The following LHX2 variants were observed in gnomAD, a reference collection of about 807,000 sequenced individuals.
LHX2 encodes LIM homeobox 2.
LHX2 carries 6 observed loss-of-function variants against 33.0 expected under a neutral mutation model. The ratio of observed to expected loss-of-function variants is 0.18; its 90% CI spans 0.10 to 0.36. The LOEUF (loss-of-function observed/expected upper bound fraction) is 0.36, where lower values mean the gene tolerates loss of function less well. LHX2 is among the 10% of genes least tolerant of loss of function. The pLI is 1.00. For missense variants in LHX2, 442 were observed against 586.2 expected, an observed-to-expected ratio of 0.75 and a Z score of 2.54; for synonymous variants, 292 against 253.1, an observed-to-expected ratio of 1.15 and a Z score of -1.46.
chr9:124,014,980 T>C lies in LHX2; in HGVS notation c.324-142T>C, dbSNP rs1859158558. 1 of 851,826 alleles carries C rather than the reference T, an allele frequency of 1.2e-6. No individual in the cohort carries two copies. Among genetic ancestry groups the C allele is most frequent in the South Asian group, 1.7e-5 (1 of 58,846 alleles). The allele number at this position is 851,826 out of a possible 1,614,324, so 52.8% of individuals were successfully genotyped here. A position where few individuals can be genotyped will look rare whatever the true frequency, so the allele number is the denominator to read the frequency against. On this transcript the variant is annotated intron_variant, in intron 2 of 4. Transcript: ENST00000373615. This position sits in a 1 kb window ranked among gnomAD's most constrained non-coding sequence, Gnocchi z 4.8. ...GCCTGGGTCAAAATCTAGTTCTCTC[T>C]CCCCCCCATCCTCCAAATAAAGGCC...
In LHX2 at chr9:124,016,426, G is replaced by C. The variant is rs1254937110; in HGVS notation, c.727+901G>C. On this transcript the variant is annotated intron_variant, in intron 3 of 4. Transcript: ENST00000373615. The surrounding 1 kb of genome is among the most constrained non-coding windows in gnomAD (Gnocchi z 4.4). ...GGCCCGGAAAGGTTTATGACTCTCC[G>C]GGCTTCCGAACTAGAGTTTATGTGC... Among the ~76,000 whole-genome samples the C allele has an allele frequency of 2.0e-5, 3 of 152,194 alleles. No homozygotes were observed. The highest frequency in any genetic ancestry group is 1.5e-5 in the Non-Finnish European group (1 of 68,038).
In LHX2 at chr9:124,032,675, C is replaced by A. The variant is rs1455981403; in HGVS notation, c.1189C>A (p.Pro397Thr). ...GNLEGHEPHS[P>T]SQTTLTNLF Reference sequence around the variant, plus strand: ...CCTGGAGGGCCATGAGCCTCACAGCCCCTCACAAACGACTCTTACCAACCT... The same window carrying A: ...CCTGGAGGGCCATGAGCCTCACAGCACCTCACAAACGACTCTTACCAACCT... The change falls in exon 5 of 5, where the codon CCC becomes ACC. Residue 397 changes from proline to threonine, a missense_variant. Physicochemically the swap from Pro to Thr is conservative, Grantham distance 38 (BLOSUM62 -1). Transcript: ENST00000373615. This position sits in a 1 kb window ranked among gnomAD's most constrained non-coding sequence, Gnocchi z 4.1. 1 of 1,606,482 alleles carries A rather than the reference C, an allele frequency of 6.2e-7. No homozygotes were observed. Among genetic ancestry groups the A allele is most frequent in the Non-Finnish European group, 8.5e-7 (1 of 1,174,158 alleles).
chr9:124,013,332 G>A (rs1040064610), intron 1 of LHX2, among the ~76,000 whole-genome samples: 3 of 152,210 alleles, frequency 2.0e-5, no homozygotes, highest in African/African-American at 7.2e-5. Context: ...AAGTATTTGG[G>A]TTGAACCTGT....
At chr9:124,019,082 G>A (rs1031216063) in intron 3 of LHX2, among the ~76,000 whole-genome samples, 1 of 152,232 alleles carries the variant, frequency 6.6e-6, no homozygotes, top group South Asian at 2.1e-4. Flanking sequence ...TCACCTCAGC[G>A]GGTTCCAAGC....
intron 4 of LHX2, among the ~76,000 whole-genome samples, chr9:124,027,233 A>G (rs923147409): frequency 7.2e-5 from 11 of 152,200 alleles, no homozygotes; most frequent in Admixed American, 7.2e-4. Flanking sequence ...CCATACCAAC[A>G]GTTTAGAAAA....
At position 124,015,693 on chromosome 9, in the gene LHX2, C is replaced by G. The variant is rs1399213266; in HGVS notation, c.727+168C>G. Among the ~76,000 whole-genome samples the G allele has an allele frequency of 6.6e-6, 1 of 152,258 alleles. No individual in the cohort carries two copies. The highest frequency in any genetic ancestry group is 1.9e-4 in the East Asian group (1 of 5,200). On this transcript the variant is annotated intron_variant, in intron 3 of 4. Transcript: ENST00000373615. The surrounding 1 kb of genome is among the most constrained non-coding windows in gnomAD (Gnocchi z 7.9). ...CCCCTGGGCTTCCAGACTGTGCGTCCTCGGCTGGAGCGGGAGGAGAGGGTG... is the reference window on the plus strand; with the variant it reads ...CCCCTGGGCTTCCAGACTGTGCGTCGTCGGCTGGAGCGGGAGGAGAGGGTG...
intron 3 of LHX2, among the ~76,000 whole-genome samples, chr9:124,019,171 C>G (rs576700949): frequency 3.3e-5 from 5 of 152,228 alleles, no homozygotes; most frequent in Non-Finnish European, 5.9e-5. Context: ...TCTGGGCGTG[C>G]TCTCTGTGGG....
intron 4 of LHX2, among the ~76,000 whole-genome samples, chr9:124,026,121 C>T (rs1415491726): frequency 6.6e-5 from 10 of 152,150 alleles, no homozygotes; most frequent in Admixed American, 4.6e-4. Flanking sequence ...TGCCATGTGC[C>T]GGGCAGGGCT....
rs1399406361 is a variant in LHX2 at position 124,012,504 on chromosome 9, G to A, written c.120+36G>A. 5 of 1,508,564 alleles carry A rather than the reference G, an allele frequency of 3.3e-6. No individual in the cohort carries two copies. The South Asian group carries it at 3.7e-5, about 11-fold the overall frequency. The allele number at this position is 1,508,564 out of a possible 1,614,324, so 93.4% of individuals were successfully genotyped here. ...GGCTGTGGGGTCGGGGCTGAGAGCTGGGATGGGGCCGGGCCAGTCAGCGCC... is the reference window on the plus strand; with the variant it reads ...GGCTGTGGGGTCGGGGCTGAGAGCTAGGATGGGGCCGGGCCAGTCAGCGCC... On this transcript the variant is annotated intron_variant, in intron 1 of 4. Coordinates refer to ENST00000373615, the MANE Select transcript of LHX2 (RefSeq NM_004789.4). The surrounding 1 kb of genome is among the most constrained non-coding windows in gnomAD (Gnocchi z 4.3).
chr9:124,021,124 A>C lies in LHX2; in HGVS notation c.753A>C (p.Ala251=). 1 of 1,614,122 alleles carries C rather than the reference A, an allele frequency of 6.2e-7. No individual in the cohort carries two copies. Among genetic ancestry groups the C allele is most frequent in the Non-Finnish European group, 8.5e-7 (1 of 1,180,032 alleles). ...NAALSCNEND[A]EHLDRDQPYP... The stretch of plus-strand genomic sequence containing the variant: ...CGCTAAGCTGCAACGAAAACGACGC[A>C]GAGCACCTGGACCGTGACCAGCCAT... The change falls in exon 4 of 5, where the codon GCA becomes GCC. Residue 251 remains alanine (A), a synonymous_variant. Transcript: ENST00000373615.
chr9:124,018,401 G>A (rs1482358932), intron 3 of LHX2, among the ~76,000 whole-genome samples: 1 of 152,008 alleles, frequency 6.6e-6, no homozygotes, highest in Non-Finnish European at 1.5e-5. Context: ...GAGGGGGTTC[G>A]GGGCGCCGGC....
intron 3 of LHX2, among the ~76,000 whole-genome samples, chr9:124,017,983 C>T (rs1859222918): frequency 6.6e-6 from 1 of 151,824 alleles, no homozygotes; most frequent in Non-Finnish European, 1.5e-5. Flanking sequence ...GGTTTGCGCG[C>T]CGCGGCCGCG....
chr9:124,016,603 A>G lies in LHX2; in HGVS notation c.727+1078A>G, dbSNP rs1859194920. Among the ~76,000 whole-genome samples, 2 of 152,170 alleles carry G rather than the reference A, an allele frequency of 1.3e-5. No homozygotes were observed. Among genetic ancestry groups the G allele is most frequent in the Non-Finnish European group, 2.9e-5 (2 of 68,028 alleles). On this transcript the variant is annotated intron_variant, in intron 3 of 4. Transcript: ENST00000373615. The surrounding 1 kb of genome is among the most constrained non-coding windows in gnomAD (Gnocchi z 4.4). ...GAGGGTGCTACGGCGGGAAGAAGTCAGTTATTTTCATCTTAAAGAATCTGA... is the reference window on the plus strand; with the variant it reads ...GAGGGTGCTACGGCGGGAAGAAGTCGGTTATTTTCATCTTAAAGAATCTGA...
At position 124,014,294 on chromosome 9, in the gene LHX2, C is replaced by CG. The variant is rs1377955558; in HGVS notation, c.323+131_323+132insG. The CG allele has an allele frequency of 1.6e-6, 1 of 621,058 alleles. No individual in the cohort carries two copies. Among genetic ancestry groups the CG allele is most frequent in the Non-Finnish European group, 3.0e-6 (1 of 332,896 alleles). 38.5% of individuals were successfully genotyped at this position (621,058 alleles called of 1,614,324 possible). ...TACTCAGGACTCCCCCGCTCCCCCC[C>CG]CAAGTTCTCCAAGCCACCACAAGTT... On this transcript the variant is annotated intron_variant, in intron 2 of 4. Transcript: ENST00000373615. The surrounding 1 kb of genome is among the most constrained non-coding windows in gnomAD (Gnocchi z 4.8).
At chr9:124,018,473 C>T (rs916273119) in intron 3 of LHX2, among the ~76,000 whole-genome samples, 44 of 152,118 alleles carry the variant, frequency 2.9e-4, no homozygotes, top group Non-Finnish European at 4.4e-5. Flanking sequence ...TCTGGCCGGC[C>T]TCGGCCTCGC....
chr9:124,012,453 C>T lies in LHX2; in HGVS notation c.105C>T (p.Arg35=), dbSNP rs1450309209. 4 of 1,512,996 alleles carry T rather than the reference C, an allele frequency of 2.6e-6. No homozygotes were observed. The highest frequency in any genetic ancestry group is 1.2e-5 in the South Asian group (1 of 82,360). The allele number at this position is 1,512,996 out of a possible 1,614,324, so 93.7% of individuals were successfully genotyped here. ...EAPAISSAID[R]GDTETTMPSI... is the part of the protein sequence containing the mutation. Reference sequence around the variant, plus strand: ...CCGCCATCAGCTCCGCCATCGACCGCGGCGACACCGAGACGGTAGGCGCGC... The same window carrying T: ...CCGCCATCAGCTCCGCCATCGACCGTGGCGACACCGAGACGGTAGGCGCGC... Residue 35 remains arginine, a synonymous_variant, in exon 1 of 5, where the codon CGC becomes CGT. Coordinates refer to ENST00000373615, the MANE Select transcript of LHX2 (RefSeq NM_004789.4). This position sits in a 1 kb window ranked among gnomAD's most constrained non-coding sequence, Gnocchi z 4.3.
rs144898922 is a variant in LHX2 at position 124,031,001 on chromosome 9, G to A, written c.934-1419G>A. Among the ~76,000 whole-genome samples, 247 of 152,216 alleles carry A rather than the reference G, an allele frequency of 1.6e-3. No homozygotes were observed. The East Asian group carries it at 0.019, about 12-fold the overall frequency. On this transcript the variant is annotated intron_variant, in intron 4 of 4. Coordinates refer to ENST00000373615, the MANE Select transcript of LHX2 (RefSeq NM_004789.4). The stretch of plus-strand genomic sequence containing the variant: ...TGTGCAAAGATATGGGAGTGGACGC[G>A]TGTGTGTCTGTGCCCAAGGAAAAAT...
At position 124,016,052 on chromosome 9, in the gene LHX2, G is replaced by A. The variant is rs968993110; in HGVS notation, c.727+527G>A. 1.3e-5 allele frequency among the ~76,000 whole-genome samples: 2 copies of A among 152,248 alleles called. No homozygotes were observed. The highest frequency in any genetic ancestry group is 2.1e-4 in the South Asian group (1 of 4,838). ...GGGAACTCGGGCTTGGGGAACTCAG[G>A]AAAGCAAAGGCTGCGGTTCCTTTTG... On this transcript the variant is annotated intron_variant, in intron 3 of 4. Transcript: ENST00000373615. This position sits in a 1 kb window ranked among gnomAD's most constrained non-coding sequence, Gnocchi z 4.4.
intron 1 of LHX2, among the ~76,000 whole-genome samples, chr9:124,013,575 G>T (rs982497583): frequency 6.6e-6 from 1 of 152,238 alleles, no homozygotes; most frequent in African/African-American, 2.4e-5. Context: ...CCCCCGGGTG[G>T]CTCATTTAAG....
Sources: gnomAD v4.1 joint callset for allele counts (sites outside exome capture counted in the v4.1 genomes callset) on GRCh38, gnomAD v4.1.1 for gene constraint, Gnocchi (gnomAD v3.1) non-coding constraint, MANE v1.5 for transcripts, NCBI Gene and HGNC (gene_info 2026-07-23, HGNC 2026-07-21) for gene names.